PCDHA12: variants seen among roughly 807,000 people sequenced by gnomAD.
PCDHA12 encodes the protein protocadherin alpha 12.
In PCDHA12, 44 loss-of-function variants were observed where a neutral mutation model predicts 60.0. That is an observed-to-expected ratio of 0.73 (90% CI 0.58 to 0.94). The LOEUF (loss-of-function observed/expected upper bound fraction) is 0.94. Ranked by LOEUF, PCDHA12 falls within the 40% of genes least tolerant of loss-of-function variation. The pLI is 0.00. For missense variants in PCDHA12, 1,276 were observed against 1,239.7 expected (o/e 1.03, Z -0.44); for synonymous variants, 569 against 553.0 (o/e 1.03, Z -0.40).
At chr5:140,943,500 G>C (rs907493905) in intron 1 of PCDHA12, among the ~76,000 whole-genome samples, 1 of 152,048 alleles carries the variant, frequency 6.6e-6, no homozygotes, top group Admixed American at 6.6e-5. Context: ...TGCTATCAAG[G>C]TTCATGGAAA....
At chr5:140,998,210 A>G (rs2097801454) in intron 3 of PCDHA12, among the ~76,000 whole-genome samples, 1 of 152,218 alleles carries the variant, frequency 6.6e-6, no homozygotes, top group South Asian at 2.1e-4. Flanking sequence ...TTTAATCTGT[A>G]TAACCACACC....
chr5:140,901,229 T>C (rs1394148058), intron 1 of PCDHA12, among the ~76,000 whole-genome samples: 1 of 152,166 alleles, frequency 6.6e-6, no homozygotes, highest in African/African-American at 2.4e-5. Context: ...ATCCCATATA[T>C]CCATTTTTTT....
intron 1 of PCDHA12, among the ~76,000 whole-genome samples, chr5:140,906,751 G>C (rs782384757): frequency 1.3e-5 from 2 of 152,166 alleles, no homozygotes; most frequent in African/African-American, 2.4e-5. Context: ...CACAGGGCAT[G>C]GTAATACTAA....
intron 1 of PCDHA12, among the ~76,000 whole-genome samples, chr5:140,909,493 G>T (rs989826667): frequency 6.6e-6 from 1 of 152,184 alleles, no homozygotes; most frequent in African/African-American, 2.4e-5. Context: ...AGAGCTGAAC[G>T]GGGATGTGGT....
At position 141,011,088 on chromosome 5, in the gene PCDHA12, TTCTC is replaced by T. The variant is rs375099849; in HGVS notation, c.*1165_*1168del. Reference sequence around the variant, plus strand: ...TATTACTAAATAAAATGATCTCTCTTTCTCTCTCTCTCTCTCTTTTCTAAGAAAC... The same window carrying T: ...TATTACTAAATAAAATGATCTCTCTTTCTCTCTCTCTCTTTTCTAAGAAAC... On this transcript the variant is annotated 3_prime_UTR_variant, in exon 4 of 4. Coordinates refer to ENST00000398631, the MANE Select transcript of PCDHA12 (RefSeq NM_018903.4). 16 of 152,024 alleles carry T rather than the reference TTCTC, an allele frequency of 1.1e-4. No individual in the cohort carries two copies. Among genetic ancestry groups the T allele is most frequent in the African/African-American group, 2.2e-4 (9 of 41,160 alleles). 9.4% of individuals were successfully genotyped at this position (152,024 alleles called of 1,614,324 possible).
At chr5:140,944,171 GT>G (rs1250322343) in intron 1 of PCDHA12, among the ~76,000 whole-genome samples, 1 of 152,008 alleles carries the variant, frequency 6.6e-6, no homozygotes, top group Non-Finnish European at 1.5e-5. Context: ...GCCAAGGCTG[GT>G]TTTTTGTTGG....
intron 1 of PCDHA12, among the ~76,000 whole-genome samples, chr5:140,933,534 ATAATGT>A (rs1401849089): frequency 6.6e-6 from 1 of 152,102 alleles, no homozygotes; most frequent in Non-Finnish European, 1.5e-5. Context: ...TAAACTCAAA[ATAATGT>A]TAATATAAAA....
At chr5:140,954,340 G>A (rs2095020682) in intron 1 of PCDHA12, among the ~76,000 whole-genome samples, 1 of 152,176 alleles carries the variant, frequency 6.6e-6, no homozygotes, top group Non-Finnish European at 1.5e-5. Flanking sequence ...TCTGCCTCTA[G>A]ATCTTTGAGG....
chr5:140,960,892 G>A (rs1401042931), intron 1 of PCDHA12, among the ~76,000 whole-genome samples: 1 of 152,126 alleles, frequency 6.6e-6, no homozygotes, highest in East Asian at 1.9e-4. Flanking sequence ...AATGAATTTG[G>A]GGCATATCTT....
At chr5:140,903,321 T>A (rs2070191003) in intron 1 of PCDHA12, among the ~76,000 whole-genome samples, 1 of 152,174 alleles carries the variant, frequency 6.6e-6, no homozygotes, top group Non-Finnish European at 1.5e-5. Flanking sequence ...GACAGCATTT[T>A]TATTGAGGAA....
chr5:140,953,576 C>T (rs1466296429), intron 1 of PCDHA12, among the ~76,000 whole-genome samples: 1 of 152,090 alleles, frequency 6.6e-6, no homozygotes, highest in Non-Finnish European at 1.5e-5. Flanking sequence ...CCTCCTCTCC[C>T]AAAACTGCCT....
intron 2 of PCDHA12, among the ~76,000 whole-genome samples, chr5:140,980,159 A>G (rs2153821002): frequency 6.6e-6 from 1 of 152,326 alleles, no homozygotes; most frequent in Admixed American, 6.5e-5. Context: ...ATACCAGAAT[A>G]TTAGGTATCA....
At chr5:140,975,056 A>G (rs1006106436) in intron 1 of PCDHA12, among the ~76,000 whole-genome samples, 3 of 152,154 alleles carry the variant, frequency 2.0e-5, no homozygotes, top group Non-Finnish European at 4.4e-5. Flanking sequence ...AGAATCTACT[A>G]TCGAGCTCAT....
Position 140,877,509 on chromosome 5 carries a change from G to A in PCDHA12, c.2037G>A (p.Ser679=), listed in dbSNP as rs781824762. 5.6e-6 allele frequency: 9 copies of A among 1,613,700 alleles called. No homozygotes were observed. Among genetic ancestry groups the A allele is most frequent in the Non-Finnish European group, 7.6e-6 (9 of 1,179,886 alleles). ...LVENGQAPKT[S]SRASVGAVDP... ...AGAACGGCCAGGCCCCAAAGACGTC[G>A]TCGCGGGCCTCAGTGGGCGCTGTGG... The change falls in exon 1 of 4, where the codon TCG becomes TCA. Residue 679 remains serine, a synonymous_variant. Transcript: ENST00000398631.
chr5:140,945,246 G>A (rs1257337219), intron 1 of PCDHA12, among the ~76,000 whole-genome samples: 1 of 151,864 alleles, frequency 6.6e-6, no homozygotes, highest in African/African-American at 2.4e-5. Context: ...TTAACCAAGA[G>A]GATGAAAGAC....
intron 2 of PCDHA12, 72 bp downstream of exon 2, chr5:140,979,079 T>C (rs1019875909): frequency 9.5e-6 from 15 of 1,584,162 alleles, no homozygotes; most frequent in African/African-American, 6.8e-5. Flanking sequence ...TGCATCTCCA[T>C]AGGCCAGAAG....
intron 1 of PCDHA12, among the ~76,000 whole-genome samples, chr5:140,970,178 A>T (rs1190328996): frequency 6.6e-6 from 1 of 152,214 alleles, no homozygotes; most frequent in East Asian, 1.9e-4. Context: ...GCATACTCTG[A>T]ATTCATTGTA....
intron 3 of PCDHA12, among the ~76,000 whole-genome samples, chr5:140,994,520 T>C (rs2097631658): frequency 6.8e-6 from 1 of 147,840 alleles, no homozygotes; most frequent in African/African-American, 2.6e-5. Context: ...CTGGGCAACA[T>C]GGCAAAACCC....
At chr5:140,966,825 T>C in intron 1 of PCDHA12, 3 of 1,560,026 alleles carry the variant, frequency 1.9e-6, no homozygotes, top group Non-Finnish European at 2.6e-6. Flanking sequence ...CGGCGGCCCA[T>C]GCCCTGGCTG....
Sources: gnomAD v4.1 joint callset for allele counts (sites outside exome capture counted in the v4.1 genomes callset) on GRCh38, gnomAD v4.1.1 for gene constraint, MANE v1.5 for transcripts, NCBI Gene and HGNC (gene_info 2026-07-23, HGNC 2026-07-21) for gene names.